Variants in GFPT1 observed in about 807,000 individuals in gnomAD.
The protein encoded by GFPT1 is glutamine--fructose-6-phosphate aminotransferase [isomerizing] 1.
Under a neutral mutation model 92.0 loss-of-function variants are expected in GFPT1, and 40 were observed. The observed-to-expected ratio is 0.43, with a 90% confidence interval of 0.34 to 0.57. The LOEUF is 0.57. Among genes scored for constraint, GFPT1 ranks in the 20% least tolerant of loss-of-function variants. GFPT1 has a pLI of 0.02. For synonymous variants in GFPT1, 269 were observed against 280.6 expected, an observed-to-expected ratio of 0.96 and a Z score of 0.41; for missense variants, 448 against 869.1, an observed-to-expected ratio of 0.52 and a Z score of 6.09.
intron 2 of GFPT1, among the ~76,000 whole-genome samples, chr2:69,371,940 G>A (rs1008533192): frequency 6.6e-6 from 1 of 151,374 alleles, no homozygotes; most frequent in Admixed American, 6.6e-5. Flanking sequence ...GGCGGCTCAC[G>A]CCTGTAATCC....
intron 9 of GFPT1, among the ~76,000 whole-genome samples, chr2:69,352,227 C>G (rs969100039): frequency 1.3e-5 from 2 of 152,080 alleles, no homozygotes; most frequent in African/African-American, 2.4e-5. Flanking sequence ...TGTGCCATTG[C>G]ACTCCAGCCT....
At chr2:69,351,850 T>A (rs1671213785) in intron 9 of GFPT1, among the ~76,000 whole-genome samples, 1 of 152,224 alleles carries the variant, frequency 6.6e-6, no homozygotes, top group Non-Finnish European at 1.5e-5. Flanking sequence ...GAGGGCAGGT[T>A]GAGGGACCTT....
At chr2:69,326,356 C>T (rs1670532282) in intron 19 of GFPT1, 123 bp from the exon 20 acceptor site, 1 of 676,120 alleles carries the variant, frequency 1.5e-6, no homozygotes, top group Non-Finnish European at 2.6e-6. Context: ...CATTAACCAT[C>T]TTTATTACAG....
chr2:69,385,555 A>G (rs1049684223), intron 1 of GFPT1, among the ~76,000 whole-genome samples: 2 of 151,152 alleles, frequency 1.3e-5, no homozygotes, highest in Non-Finnish European at 2.9e-5. Context: ...TTTTTTTTTC[A>G]GTAAGTACTT....
intron 3 of GFPT1, among the ~76,000 whole-genome samples, chr2:69,369,539 G>A (rs1240817034): frequency 6.6e-6 from 1 of 152,160 alleles, no homozygotes; most frequent in Non-Finnish European, 1.5e-5. Context: ...AAAACTGTGA[G>A]GGAAAACATG....
intron 9 of GFPT1, among the ~76,000 whole-genome samples, chr2:69,352,112 A>T (rs1040328344): frequency 2.6e-5 from 4 of 151,766 alleles, no homozygotes; most frequent in Admixed American, 2.0e-4. Context: ...AAACACAAAA[A>T]ATTAGCTGAG....
intron 11 of GFPT1, among the ~76,000 whole-genome samples, chr2:69,347,808 A>C (rs1045587654): frequency 6.6e-6 from 1 of 152,172 alleles, no homozygotes; most frequent in Non-Finnish European, 1.5e-5. Flanking sequence ...AATCCTCAAA[A>C]CAACCTTAAT....
chr2:69,336,403 T>C (rs1242724976), intron 15 of GFPT1, among the ~76,000 whole-genome samples: 2 of 151,298 alleles, frequency 1.3e-5, no homozygotes, highest in Non-Finnish European at 3.0e-5. Context: ...ATCACAAACT[T>C]TCTACAAAAA....
intron 15 of GFPT1, among the ~76,000 whole-genome samples, chr2:69,331,888 T>C (rs1379004738): frequency 1.3e-5 from 2 of 152,112 alleles, no homozygotes; most frequent in African/African-American, 4.8e-5. Context: ...AAAAAGAAGG[T>C]AGTTATTGTT....
chr2:69,326,295 G>A, intron 19 of GFPT1, 62 bp from the exon 20 acceptor site: 1 of 1,055,846 alleles, frequency 9.5e-7, no homozygotes, highest in Non-Finnish European at 1.4e-6. Context: ...GGAAGGGGGT[G>A]GTTACTATAA....
intron 1 of GFPT1, among the ~76,000 whole-genome samples, chr2:69,375,928 C>T (rs1320230531): frequency 6.6e-6 from 1 of 152,220 alleles, no homozygotes; most frequent in Non-Finnish European, 1.5e-5. Flanking sequence ...AATGGCTACT[C>T]ATGATATAAA....
chr2:69,375,004 A>C (rs1473343695), intron 1 of GFPT1, among the ~76,000 whole-genome samples: 1 of 152,236 alleles, frequency 6.6e-6, no homozygotes, highest in Non-Finnish European at 1.5e-5. Context: ...ATTCACAGAA[A>C]AAGAGCAATC....
chr2:69,326,330 C>G (rs1670531752), intron 19 of GFPT1, 97 bp from the exon 20 acceptor site: 2 of 751,182 alleles, frequency 2.7e-6, no homozygotes, highest in Non-Finnish European at 4.6e-6. Context: ...TTTATAAAAA[C>G]AGAAAACAAT....
At chr2:69,366,286 T>C (rs2104671881) in intron 3 of GFPT1, among the ~76,000 whole-genome samples, 1 of 152,328 alleles carries the variant, frequency 6.6e-6, no homozygotes, top group Non-Finnish European at 1.5e-5. Context: ...GAATGTCTAG[T>C]AAGAAAAAAT....
intron 15 of GFPT1, among the ~76,000 whole-genome samples, chr2:69,330,354 T>C (rs1469667095): frequency 6.6e-6 from 1 of 152,212 alleles, no homozygotes; most frequent in Non-Finnish European, 1.5e-5. Context: ...ATTGAATGCT[T>C]ATAAAATTCC....
intron 9 of GFPT1, among the ~76,000 whole-genome samples, chr2:69,350,905 C>CAAAAAAAAAAAA (rs796406578): frequency 1.3e-5 from 1 of 78,394 alleles, no homozygotes; most frequent in Non-Finnish European, 2.6e-5. Context: ...AACTCTGTCT[C>CAAAAAAAAAAAA]AAAAAAAAAA....
intron 4 of GFPT1, among the ~76,000 whole-genome samples, chr2:69,362,393 C>T (rs1671496893): frequency 6.6e-6 from 1 of 152,158 alleles, no homozygotes; most frequent in Non-Finnish European, 1.5e-5. Flanking sequence ...TTCCAAAGTG[C>T]TGGGTAGACT....
chr2:69,349,798 G>C (rs965590429), intron 10 of GFPT1, among the ~76,000 whole-genome samples: 1 of 151,954 alleles, frequency 6.6e-6, no homozygotes, highest in Non-Finnish European at 1.5e-5. Context: ...CCTGGATAAG[G>C]CTCCTGAAAT....
At chr2:69,344,729 G>A (rs897973734) in intron 12 of GFPT1, among the ~76,000 whole-genome samples, 6 of 151,210 alleles carry the variant, frequency 4.0e-5, no homozygotes, top group Non-Finnish European at 5.9e-5. Context: ...CTGCAGCCTC[G>A]ATCTACAGGG....
Sources: allele counts gnomAD v4.1 joint callset (sites outside exome capture counted in the v4.1 genomes callset), GRCh38; gene constraint gnomAD v4.1.1; transcripts MANE v1.5; gene names NCBI Gene and HGNC (gene_info 2026-07-23, HGNC 2026-07-21).